Variants in IARS1 observed in about 807,000 individuals in gnomAD.
IARS1 encodes isoleucine--tRNA ligase, cytoplasmic.
A neutral mutation model predicts 168.2 loss-of-function variants in IARS1; 124 were observed. The observed-to-expected ratio is 0.74, with a 90% confidence interval of 0.64 to 0.86. The LOEUF is 0.86. Among genes scored for constraint, IARS1 ranks in the 40% least tolerant of loss-of-function variants. IARS1 has a pLI of 0.00. For synonymous variants in IARS1, 532 were observed against 529.4 expected (o/e 1.00, Z -0.07); for missense variants, 1,452 against 1,515.8 (o/e 0.96, Z 0.70).
At chr9:92,253,797 A>C (rs762357410) in intron 20 of IARS1, 1 of 496,574 alleles carries the variant, frequency 2.0e-6, no homozygotes, top group African/African-American at 1.9e-5. Flanking sequence ...GGAGCTGTGC[A>C]ATTTGACAGC....
intron 6 of IARS1, 82 bp downstream of exon 6, chr9:92,285,640 T>C (rs1835325996): frequency 3.7e-6 from 3 of 816,432 alleles, no homozygotes; most frequent in South Asian, 1.6e-5. Context: ...TGGGTCTACT[T>C]GGGAATACCT....
chr9:92,265,168 C>T (rs775871435), intron 15 of IARS1, 45 bp from the exon 16 acceptor site: 18 of 1,495,170 alleles, frequency 1.2e-5, no homozygotes, highest in Non-Finnish European at 1.5e-5. Context: ...GTAAGCATAA[C>T]AGAACTTGCA....
intron 10 of IARS1, 134 bp from the exon 11 acceptor site, chr9:92,271,789 G>A (rs189779098): frequency 7.2e-6 from 7 of 977,422 alleles, no homozygotes; most frequent in Non-Finnish European, 1.1e-5. Context: ...TAAACTGAAG[G>A]TAACTCAAGA....
Position 92,222,586 on chromosome 9 carries a change from C to T in IARS1, c.3640G>A (p.Ala1214Thr). 1 of 1,614,126 alleles carries T rather than the reference C, an allele frequency of 6.2e-7. No homozygotes were observed. The highest frequency in any genetic ancestry group is 8.5e-7 in the Non-Finnish European group (1 of 1,180,008). ...CTCCGAAGGCCAAACACCTTGGCTG[C>T]TTCATACAGAAGACCTTGGTGGGTG... ...GLTHQGLLYE[A>T]AKVFGLRSRK... Residue 1214 changes from alanine (A) to threonine (T), a missense_variant, in exon 33 of 34, where the codon GCA (alanine) becomes ACA (threonine). Coordinates refer to ENST00000443024, the MANE Select transcript of IARS1 (RefSeq NM_002161.6).
intron 6 of IARS1, among the ~76,000 whole-genome samples, chr9:92,284,388 C>A (rs746643606): frequency 2.6e-5 from 4 of 152,166 alleles, no homozygotes; most frequent in Non-Finnish European, 4.4e-5. Flanking sequence ...GCAAGATTAG[C>A]CAGTCATTGG....
chr9:92,232,093 A>T (rs1005226942), intron 30 of IARS1, among the ~76,000 whole-genome samples: 2 of 152,196 alleles, frequency 1.3e-5, no homozygotes, highest in Admixed American at 1.3e-4. Context: ...TAAACTTTTT[A>T]GGATTCTTGT....
chr9:92,268,958 C>A (rs1264585274), intron 13 of IARS1, among the ~76,000 whole-genome samples: 2 of 152,162 alleles, frequency 1.3e-5, no homozygotes, highest in African/African-American at 4.8e-5. Flanking sequence ...AAGGCTGAGT[C>A]AGGGTAGGCT....
At position 92,280,896 on chromosome 9, in the gene IARS1, G is replaced by A; in HGVS notation, c.598-3C>T. 6.3e-7 allele frequency: 1 copy of A among 1,599,324 alleles called. No individual in the cohort carries two copies. Among genetic ancestry groups the A allele is most frequent in the Non-Finnish European group, 8.6e-7 (1 of 1,169,154 alleles). On this transcript the variant is annotated splice_region_variant and splice_polypyrimidine_tract_variant and intron_variant, in intron 6 of 33. Transcript: ENST00000443024. ...AATACTGAAGGATCTTGAACATCCT[G>A]AAATAAATTGAGGTAAAGTATTGTT...
intron 30 of IARS1, among the ~76,000 whole-genome samples, chr9:92,232,560 A>G (rs1826882913): frequency 1.3e-5 from 2 of 152,266 alleles, no homozygotes; most frequent in Admixed American, 1.3e-4. Context: ...AATTTAATCC[A>G]AAACAGAAGG....
At chr9:92,222,234 T>C (rs1409493002) in intron 33 of IARS1, among the ~76,000 whole-genome samples, 1 of 150,262 alleles carries the variant, frequency 6.7e-6, no homozygotes, top group Non-Finnish European at 1.5e-5. Context: ...GGAGAATCCT[T>C]GTTCCTGGGT....
Position 92,242,159 on chromosome 9 carries a change from T to C in IARS1, c.3172A>G (p.Thr1058Ala). The change falls in exon 29 of 34, where the codon ACA becomes GCA. Residue 1058 changes from threonine to alanine, a missense_variant. Physicochemically the swap from Thr to Ala is moderately conservative, Grantham distance 58. Transcript: ENST00000443024. ...CAGTGGAACTCAGGACTCACCTGTG[T>C]TTTTTCTTGAATAAGGACTTTATCC... is the stretch of plus-strand genomic sequence containing the variant. Reference protein sequence around the residue: ...PSDKVLIQEKTQLKGSELEIT... With the variant: ...PSDKVLIQEKAQLKGSELEIT... 1 of 1,613,310 alleles carries C rather than the reference T, an allele frequency of 6.2e-7. No homozygotes were observed. The highest frequency in any genetic ancestry group is 8.5e-7 in the Non-Finnish European group (1 of 1,179,586).
intron 26 of IARS1, among the ~76,000 whole-genome samples, chr9:92,247,114 A>G (rs1323985164): frequency 6.6e-6 from 1 of 152,096 alleles, no homozygotes; most frequent in African/African-American, 2.4e-5. Context: ...GAATCACTTG[A>G]ACCTGGGAGG....
chr9:92,284,071 A>AGG (rs1491419211), intron 6 of IARS1, among the ~76,000 whole-genome samples: 1 of 152,070 alleles, frequency 6.6e-6, no homozygotes, highest in Non-Finnish European at 1.5e-5. Context: ...CCAGCTACTC[A>AGG]GGGGGCTGAA....
intron 21 of IARS1, chr9:92,252,499 G>A: frequency 2.2e-6 from 1 of 453,676 alleles, no homozygotes. Flanking sequence ...AGGCACGGTG[G>A]TTCACACCTG....
chr9:92,280,686 T>C, intron 7 of IARS1, 60 bp downstream of exon 7: 1 of 1,134,336 alleles, frequency 8.8e-7, no homozygotes, highest in African/African-American at 1.6e-5. Flanking sequence ...GCTTTCATAT[T>C]TTCCAAAATA....
At chr9:92,289,261 G>T in intron 2 of IARS1, 40 bp downstream of exon 2, 20 of 677,448 alleles carry the variant, frequency 3.0e-5, no homozygotes, top group Non-Finnish European at 4.8e-5. Flanking sequence ...TCTAAGAAAT[G>T]ACTATTCTTA....
intron 33 of IARS1, among the ~76,000 whole-genome samples, chr9:92,213,327 A>G (rs75078916): frequency 1.3e-5 from 2 of 152,364 alleles, no homozygotes; most frequent in Non-Finnish European, 2.9e-5. Flanking sequence ...TAAGAAACCC[A>G]TAGCAAAAGG....
At chr9:92,291,575 G>A (rs930122138) in intron 1 of IARS1, among the ~76,000 whole-genome samples, 6 of 152,124 alleles carry the variant, frequency 3.9e-5, no homozygotes, top group African/African-American at 1.4e-4. Context: ...CCATTAAAAG[G>A]TATTAAACAG....
chr9:92,232,584 G>A (rs1487575892), intron 30 of IARS1, among the ~76,000 whole-genome samples: 1 of 152,204 alleles, frequency 6.6e-6, no homozygotes, highest in African/African-American at 2.4e-5. Context: ...TGAGAAAGTT[G>A]TAGTAGGTTT....
Sources: gnomAD v4.1 joint callset for allele counts (sites outside exome capture counted in the v4.1 genomes callset) on GRCh38, gnomAD v4.1.1 for gene constraint, MANE v1.5 for transcripts, NCBI Gene and HGNC (gene_info 2026-07-23, HGNC 2026-07-21) for gene names.